The following HTR2C variants were observed in gnomAD, a reference collection of about 807,000 sequenced individuals.
HTR2C encodes 5-hydroxytryptamine receptor 2C, also known as 5-hydroxytryptamine (serotonin) receptor 2C, G protein-coupled.
In HTR2C, 5 loss-of-function variants were observed where a neutral mutation model predicts 21.0. The observed-to-expected ratio is 0.24, with a 90% CI of 0.12 to 0.50. The LOEUF (loss-of-function observed/expected upper bound fraction) is 0.50. Among genes scored for constraint, HTR2C ranks in the 20% least tolerant of loss-of-function variants. The pLI, the probability that HTR2C is intolerant of heterozygous loss-of-function variation, is 0.98. For synonymous variants in HTR2C, 150 were observed against 145.3 expected, an observed-to-expected ratio of 1.03 and a Z score of -0.23; for missense variants, 271 against 371.2, an observed-to-expected ratio of 0.73 and a Z score of 2.22.
At chrX:114,598,364 C>T (rs1210373539) in intron 1 of HTR2C, among the ~76,000 whole-genome samples, 1 of 111,537 alleles carries the variant, frequency 9.0e-6, no homozygotes, top group East Asian at 2.8e-4. Context: ...ACAGAAAAAG[C>T]CTCCATGAGT....
intron 4 of HTR2C, among the ~76,000 whole-genome samples, chrX:114,842,369 C>G (rs2070841210): frequency 8.9e-6 from 1 of 112,022 alleles, no homozygotes; most frequent in Admixed American, 9.5e-5. Context: ...TTGCCTGACT[C>G]AGAGCATTTC....
At chrX:114,683,242 A>C (rs1424328907) in intron 2 of HTR2C, among the ~76,000 whole-genome samples, 1 of 112,200 alleles carries the variant, frequency 8.9e-6, no homozygotes, top group Non-Finnish European at 1.9e-5. Flanking sequence ...ATAAATGATG[A>C]ATATAATAGA....
intron 4 of HTR2C, among the ~76,000 whole-genome samples, chrX:114,809,514 G>C (rs2070511815): frequency 9.2e-6 from 1 of 109,173 alleles, no homozygotes; most frequent in African/African-American, 3.3e-5. Flanking sequence ...CTCCCGAGTA[G>C]CCGGGCTTAC....
At chrX:114,828,012 C>T (rs1312640612) in intron 4 of HTR2C, among the ~76,000 whole-genome samples, 1 of 110,225 alleles carries the variant, frequency 9.1e-6, no homozygotes, top group East Asian at 2.8e-4. Context: ...ATGTTTTGGA[C>T]CATTATTTCT....
chrX:114,667,140 A>AT (rs1453099035), intron 2 of HTR2C, among the ~76,000 whole-genome samples: 2 of 111,601 alleles, frequency 1.8e-5, no homozygotes, highest in African/African-American at 6.5e-5. Context: ...TAAGCAACAA[A>AT]TTTAAGTACT....
chrX:114,740,575 TAGAG>T (rs1356640265), intron 4 of HTR2C, among the ~76,000 whole-genome samples: 8 of 111,870 alleles, frequency 7.2e-5, no homozygotes, highest in South Asian at 3.6e-4. Flanking sequence ...AAGTTCTATA[TAGAG>T]AGAGATTAAT....
intron 4 of HTR2C, among the ~76,000 whole-genome samples, chrX:114,829,455 A>G (rs1556459795): frequency 9.2e-6 from 1 of 108,896 alleles, no homozygotes. Flanking sequence ...TTCTGATAGC[A>G]CTCTGATGCA....
chrX:114,836,439 G>A (rs1245760711), intron 4 of HTR2C, among the ~76,000 whole-genome samples: 7 of 112,655 alleles, frequency 6.2e-5, no homozygotes, highest in Non-Finnish European at 1.1e-4. Context: ...TCGGAAAAGC[G>A]CAGTATTCGG....
rs781838641 is a variant in HTR2C at position 114,836,060 on chromosome X, C to A, written c.350-11943C>A. Among the ~76,000 whole-genome samples, 289 of 108,054 alleles carry A rather than the reference C, an allele frequency of 2.7e-3. 2 individuals carry two copies. Among genetic ancestry groups the A allele is most frequent in the Middle Eastern group, 0.019 (4 of 207 alleles). The allele number at this position is 108,054 out of a possible 115,157, so 93.8% of individuals were successfully genotyped here. On this transcript the variant is annotated intron_variant, in intron 4 of 5. Coordinates refer to ENST00000276198, the MANE Select transcript of HTR2C (RefSeq NM_000868.4). Reference sequence around the variant, plus strand: ...GACCCACTTGAGGAGGCAGTCTGCCCGTTCTCAGATCTCCAGCTGCGTGCT... The same window carrying A: ...GACCCACTTGAGGAGGCAGTCTGCCAGTTCTCAGATCTCCAGCTGCGTGCT...
chrX:114,782,984 T>TA (rs1556440957), intron 4 of HTR2C, among the ~76,000 whole-genome samples: 1 of 109,967 alleles, frequency 9.1e-6, no homozygotes, highest in Admixed American at 9.8e-5. Flanking sequence ...ACTGAGATGT[T>TA]AAAAAAGGAT....
At chrX:114,817,346 AT>A (rs1306425829) in intron 4 of HTR2C, among the ~76,000 whole-genome samples, 1 of 111,753 alleles carries the variant, frequency 8.9e-6, no homozygotes, top group African/African-American at 3.2e-5. Flanking sequence ...ACTCTGTGAG[AT>A]TATAGAAGTA....
At chrX:114,894,939 G>A (rs1423348282) in intron 5 of HTR2C, among the ~76,000 whole-genome samples, 1 of 110,958 alleles carries the variant, frequency 9.0e-6, no homozygotes, top group African/African-American at 3.3e-5. Context: ...GGCTGGACTC[G>A]AACTCCTGAC....
intron 2 of HTR2C, among the ~76,000 whole-genome samples, chrX:114,674,554 T>C (rs1249264607): frequency 9.0e-6 from 1 of 111,712 alleles, no homozygotes; most frequent in African/African-American, 3.3e-5. Flanking sequence ...TCCTCCCAAA[T>C]TGTAAATATG....
intron 5 of HTR2C, among the ~76,000 whole-genome samples, chrX:114,874,406 G>A (rs1230252900): frequency 9.0e-5 from 10 of 111,545 alleles, no homozygotes; most frequent in Non-Finnish European, 1.5e-4. Context: ...TATCAAAAGC[G>A]TGCAAGTGTT....
intron 5 of HTR2C, among the ~76,000 whole-genome samples, chrX:114,873,335 A>C (rs1234669463): frequency 3.6e-5 from 4 of 111,200 alleles, no homozygotes; most frequent in African/African-American, 1.3e-4. Context: ...TCAAGAGTCC[A>C]TCATTCCTGG....
At chrX:114,788,723 C>G (rs2070202528) in intron 4 of HTR2C, among the ~76,000 whole-genome samples, 1 of 111,590 alleles carries the variant, frequency 9.0e-6, no homozygotes, top group African/African-American at 3.3e-5. Context: ...TCACGGCTCA[C>G]TGCAGCCTCA....
intron 2 of HTR2C, among the ~76,000 whole-genome samples, chrX:114,726,393 C>A (rs1933484089): frequency 8.9e-6 from 1 of 112,232 alleles, no homozygotes; most frequent in South Asian, 3.7e-4. Flanking sequence ...GTGCGTGCAC[C>A]CACTGACCTG....
rs1345338374 is a variant in HTR2C, at chrX:114,722,962, C to T, written c.-79-3896C>T. 1.3e-3 allele frequency among the ~76,000 whole-genome samples: 146 copies of T among 110,706 alleles called. 1 individual carries two copies. The highest frequency in any genetic ancestry group is 4.6e-3 in the African/African-American group (139 of 30,451). On this transcript the variant is annotated intron_variant, in intron 2 of 5. Coordinates refer to ENST00000276198, the MANE Select transcript of HTR2C (RefSeq NM_000868.4). ...TTGCATCAATGTTCATCAAGGATATCGGTCTAAAATTCTCTTTTTTGGTTG... is the reference window on the plus strand; with the variant it reads ...TTGCATCAATGTTCATCAAGGATATTGGTCTAAAATTCTCTTTTTTGGTTG...
intron 5 of HTR2C, chrX:114,900,706 T>C (rs1333959232): frequency 8.9e-6 from 1 of 112,366 alleles, no homozygotes; most frequent in Non-Finnish European, 1.9e-5. Context: ...ATTTTGATGT[T>C]TATCAAGCTG....
Sources: allele counts gnomAD v4.1 joint callset (sites outside exome capture counted in the v4.1 genomes callset), GRCh38; gene constraint gnomAD v4.1.1; transcripts MANE v1.5; gene names NCBI Gene and HGNC (gene_info 2026-07-23, HGNC 2026-07-21).